Variants in RNGTT observed in about 807,000 individuals in gnomAD.
RNGTT encodes RNA guanylyltransferase and 5'-phosphatase, also known as mRNA-capping enzyme.
A neutral mutation model predicts 79.3 loss-of-function variants in RNGTT; 33 were observed. That is an observed-to-expected ratio of 0.42 (90% CI 0.32 to 0.56). The LOEUF (loss-of-function observed/expected upper bound fraction) is 0.56, where lower values mean the gene tolerates loss of function less well. Ranked by LOEUF, RNGTT falls within the 20% of genes least tolerant of loss-of-function variation. The probability of loss-of-function intolerance (pLI) is 0.17; values close to 1 mark genes in which losing one functional copy is unlikely to be tolerated. For synonymous variants in RNGTT, 222 were observed against 235.9 expected (o/e 0.94, Z 0.54); for missense variants, 497 against 739.1 (o/e 0.67, Z 3.80).
At chr6:88,755,536 T>C (rs1349735847) in intron 13 of RNGTT, among the ~76,000 whole-genome samples, 1 of 152,026 alleles carries the variant, frequency 6.6e-6, no homozygotes, top group Non-Finnish European at 1.5e-5. Context: ...AATGTTCCAG[T>C]AAAATTTTCC....
chr6:88,754,469 A>G (rs1322969291), intron 13 of RNGTT, among the ~76,000 whole-genome samples: 1 of 152,122 alleles, frequency 6.6e-6, no homozygotes. Flanking sequence ...GAACACATAT[A>G]TTTCCTTCTT....
chr6:88,675,566 G>A (rs142998771), intron 14 of RNGTT, among the ~76,000 whole-genome samples: 1 of 152,008 alleles, frequency 6.6e-6, no homozygotes, highest in Non-Finnish European at 1.5e-5. Context: ...GCAATAAAAG[G>A]CATCAAGATC....
chr6:88,863,532 G>A (rs9344883), intron 8 of RNGTT, among the ~76,000 whole-genome samples: 6,243 of 152,148 alleles, frequency 0.041, 190 homozygotes, highest in African/African-American at 0.077. Flanking sequence ...TCAAAGTACC[G>A]TGTGTGCTTA....
intron 2 of RNGTT, among the ~76,000 whole-genome samples, chr6:88,938,171 T>C (rs1426131220): frequency 6.6e-6 from 1 of 152,194 alleles, no homozygotes; most frequent in African/African-American, 2.4e-5. Context: ...TGTATCTCCA[T>C]TTAGATATAA....
At chr6:88,679,067 T>C (rs1774991114) in intron 13 of RNGTT, among the ~76,000 whole-genome samples, 1 of 151,548 alleles carries the variant, frequency 6.6e-6, no homozygotes, top group Admixed American at 6.6e-5. Flanking sequence ...CTAGTCAACG[T>C]GAAGATAACA....
chr6:88,805,807 G>C lies in RNGTT; in HGVS notation c.1270-4175C>G, dbSNP rs529202326. On this transcript the variant is annotated intron_variant, in intron 11 of 15. Coordinates refer to ENST00000369485, the MANE Select transcript of RNGTT (RefSeq NM_003800.5). ...GAAAAGTACTAGAAGTATGAAAATAGAACACTCTGTGGTACAGGGGAGCAG... is the reference window on the plus strand; with the variant it reads ...GAAAAGTACTAGAAGTATGAAAATACAACACTCTGTGGTACAGGGGAGCAG... 1.1e-4 allele frequency among the ~76,000 whole-genome samples: 17 copies of C among 152,274 alleles called. No individual in the cohort carries two copies. The South Asian group carries it at 2.5e-3, about 22-fold the overall frequency.
intron 11 of RNGTT, among the ~76,000 whole-genome samples, chr6:88,816,200 A>G (rs886094628): frequency 6.6e-6 from 1 of 152,198 alleles, no homozygotes; most frequent in Admixed American, 6.5e-5. Flanking sequence ...CCTTTAAAGA[A>G]TACTGACTTT....
intron 13 of RNGTT, among the ~76,000 whole-genome samples, chr6:88,742,520 T>A (rs1379985979): frequency 6.6e-6 from 1 of 152,180 alleles, no homozygotes; most frequent in African/African-American, 2.4e-5. Flanking sequence ...CATCTTTCCT[T>A]TTGTAATCTC....
chr6:88,876,856 T>G (rs1042764356), intron 8 of RNGTT, among the ~76,000 whole-genome samples: 3 of 152,230 alleles, frequency 2.0e-5, no homozygotes, highest in Non-Finnish European at 4.4e-5. Flanking sequence ...CAAAGTTTTA[T>G]CTGTATCTGC....
chr6:88,921,876 TA>T (rs1365377780), intron 4 of RNGTT, among the ~76,000 whole-genome samples: 1 of 152,104 alleles, frequency 6.6e-6, no homozygotes, highest in Admixed American at 6.5e-5. Context: ...TTAGGTATTA[TA>T]AGTAATACCT....
intron 13 of RNGTT, among the ~76,000 whole-genome samples, chr6:88,755,963 A>G (rs1778001516): frequency 6.8e-6 from 1 of 146,520 alleles, no homozygotes; most frequent in African/African-American, 2.6e-5. Context: ...CCGTCTCAAA[A>G]AAAAAAAAAA....
intron 13 of RNGTT, among the ~76,000 whole-genome samples, chr6:88,734,686 A>C (rs927744262): frequency 6.6e-6 from 1 of 152,178 alleles, no homozygotes; most frequent in African/African-American, 2.4e-5. Flanking sequence ...TCCTGACTTA[A>C]CGACAGTTGA....
At chr6:88,684,572 C>T (rs2610749) in intron 13 of RNGTT, among the ~76,000 whole-genome samples, 40,656 of 151,962 alleles carry the variant, frequency 0.27, 9,539 homozygotes, top group African/African-American at 0.64. Context: ...TATCAAGCCA[C>T]GAAAAGACAC....
intron 14 of RNGTT, among the ~76,000 whole-genome samples, chr6:88,624,820 A>G (rs965204954): frequency 6.6e-6 from 1 of 151,942 alleles, no homozygotes; most frequent in African/African-American, 2.4e-5. Flanking sequence ...TGCAAATCAC[A>G]TATCTGACAG....
intron 4 of RNGTT, among the ~76,000 whole-genome samples, chr6:88,908,295 T>C (rs978282376): frequency 6.6e-5 from 10 of 151,982 alleles, no homozygotes; most frequent in Non-Finnish European, 1.0e-4. Context: ...AAGACATCAT[T>C]AAGAATATAA....
chr6:88,948,434 C>G (rs1785105660), intron 1 of RNGTT, among the ~76,000 whole-genome samples: 1 of 139,158 alleles, frequency 7.2e-6, no homozygotes, highest in Non-Finnish European at 1.6e-5. Context: ...GCCGCCCCTA[C>G]TGGGAAGTGA....
At chr6:88,950,601 A>C (rs1328466023) in intron 1 of RNGTT, among the ~76,000 whole-genome samples, 2 of 152,202 alleles carry the variant, frequency 1.3e-5, no homozygotes, top group African/African-American at 4.8e-5. Context: ...GACTTTGAGG[A>C]GTTCAAGACT....
chr6:88,954,760 C>T (rs1368007160), intron 1 of RNGTT, among the ~76,000 whole-genome samples: 2 of 151,736 alleles, frequency 1.3e-5, no homozygotes, highest in Non-Finnish European at 2.9e-5. Flanking sequence ...TACAAATACA[C>T]GACCAGGCGT....
At chr6:88,860,099 T>C (rs1300310856) in intron 8 of RNGTT, among the ~76,000 whole-genome samples, 6 of 152,206 alleles carry the variant, frequency 3.9e-5, no homozygotes, top group African/African-American at 1.2e-4. Context: ...GCCTCTGTAA[T>C]AGACCATGTG....
Sources: gnomAD v4.1 joint callset for allele counts (sites outside exome capture counted in the v4.1 genomes callset) on GRCh38, gnomAD v4.1.1 for gene constraint, MANE v1.5 for transcripts, NCBI Gene and HGNC (gene_info 2026-07-23, HGNC 2026-07-21) for gene names.